The following KIF26B variants were observed in gnomAD, a reference collection of about 807,000 sequenced individuals.
KIF26B encodes kinesin family member 26B, also known as kinesin-like protein KIF26B.
A neutral mutation model predicts 151.2 loss-of-function variants in KIF26B; 63 were observed. That is an observed-to-expected ratio of 0.42 (90% CI 0.34 to 0.51). The LOEUF is 0.51. KIF26B is among the 20% of genes least tolerant of loss of function. KIF26B has a pLI of 0.07. For synonymous variants in KIF26B, 1,357 were observed against 1,262.1 expected (o/e 1.08, Z -1.59); for missense variants, 2,813 against 2,913.6 (o/e 0.97, Z 0.79).
rs1378836508 is a variant in KIF26B, at chr1:245,241,764, G to T, written c.465+85081G>T. 6.6e-6 allele frequency among the ~76,000 whole-genome samples: 1 copy of T among 152,222 alleles called. No homozygotes were observed. Among genetic ancestry groups the T allele is most frequent in the Non-Finnish European group, 1.5e-5 (1 of 68,038 alleles). ...CTCCTGTGGGCAGTGCTTCACAGCGGCAGCGGGAGCACTGGGTGCAGCCTC... is the reference window on the plus strand; with the variant it reads ...CTCCTGTGGGCAGTGCTTCACAGCGTCAGCGGGAGCACTGGGTGCAGCCTC... On this transcript the variant is annotated intron_variant, in intron 2 of 14. Coordinates refer to ENST00000407071, the MANE Select transcript of KIF26B (RefSeq NM_018012.4). This position sits in a 1 kb window ranked among gnomAD's most constrained non-coding sequence, Gnocchi z 5.0.
Position 245,684,308 on chromosome 1 carries a change from C to G in KIF26B, c.2334C>G (p.Ile778Met). Residue 778 changes from isoleucine to methionine, a missense_variant, in exon 11 of 15, where the codon ATC becomes ATG. By Grantham distance (10) the Ile-to-Met change is conservative. Around this residue, in one of 3 missense-constraint regions of KIF26B, gnomAD observed 2,060 missense variants for 2,088.6 expected, o/e 0.99. Transcript: ENST00000407071. ...MNCRTTMIAHISAAVGSYAET... is the reference protein window; with the variant it reads ...MNCRTTMIAHMSAAVGSYAET... ...GCCGTACCACCATGATCGCGCACAT[C>G]TCGGCCGCGGTCGGGAGCTACGCGG... The G allele has an allele frequency of 6.2e-7, 1 of 1,614,002 alleles. No homozygotes were observed. Among genetic ancestry groups the G allele is most frequent in the Non-Finnish European group, 8.5e-7 (1 of 1,179,884 alleles).
At chr1:245,311,596 T>C (rs1295193047) in intron 2 of KIF26B, among the ~76,000 whole-genome samples, 1 of 151,690 alleles carries the variant, frequency 6.6e-6, no homozygotes, top group Non-Finnish European at 1.5e-5. Context: ...AGTGAGACCC[T>C]GTCTCTAAAA....
intron 3 of KIF26B, among the ~76,000 whole-genome samples, chr1:245,374,080 A>G (rs1673196914): frequency 3.1e-5 from 1 of 32,732 alleles, no homozygotes. Flanking sequence ...AAAAAAAAAA[A>G]AAAAAAAAAA....
At chr1:245,233,397 T>C (rs1670038063) in intron 2 of KIF26B, among the ~76,000 whole-genome samples, 1 of 152,196 alleles carries the variant, frequency 6.6e-6, no homozygotes, top group Non-Finnish European at 1.5e-5. Flanking sequence ...ATTTTCTCTG[T>C]CCTCATCCTT....
chr1:245,636,285 C>T (rs962177969), intron 9 of KIF26B, among the ~76,000 whole-genome samples: 4 of 151,894 alleles, frequency 2.6e-5, no homozygotes, highest in Non-Finnish European at 5.9e-5. Context: ...TGGATTAGAA[C>T]ATGAGCCACA....
At chr1:245,373,370 A>G (rs1673170694) in intron 3 of KIF26B, among the ~76,000 whole-genome samples, 1 of 152,198 alleles carries the variant, frequency 6.6e-6, no homozygotes, top group Admixed American at 6.5e-5. Flanking sequence ...TCTTAATCAT[A>G]CTTAATAAAT....
intron 2 of KIF26B, among the ~76,000 whole-genome samples, chr1:245,232,551 G>GTTT (rs58620865): frequency 3.8e-5 from 5 of 131,788 alleles, no homozygotes; most frequent in African/African-American, 2.8e-5. Flanking sequence ...GGTTTCATTT[G>GTTT]TTTTTTTTTT....
intron 4 of KIF26B, among the ~76,000 whole-genome samples, chr1:245,478,548 C>G (rs1660093102): frequency 6.6e-6 from 1 of 151,022 alleles, no homozygotes; most frequent in African/African-American, 2.4e-5. Flanking sequence ...CTGCCTCAGC[C>G]TCCCGAGTAG....
chr1:245,424,218 C>T (rs138263974), intron 4 of KIF26B, among the ~76,000 whole-genome samples: 17 of 152,052 alleles, frequency 1.1e-4, no homozygotes, highest in Middle Eastern at 3.5e-3. Flanking sequence ...TGCAGTGGCG[C>T]GATCTCCGCT....
intron 12 of KIF26B, among the ~76,000 whole-genome samples, chr1:245,694,164 C>G (rs2044659404): frequency 6.6e-6 from 1 of 152,220 alleles, no homozygotes; most frequent in Admixed American, 6.5e-5. Flanking sequence ...TTTCTCATCC[C>G]CAGCACGGGA....
intron 9 of KIF26B, among the ~76,000 whole-genome samples, chr1:245,635,403 T>G (rs2043824329): frequency 6.6e-6 from 1 of 152,140 alleles, no homozygotes; most frequent in Non-Finnish European, 1.5e-5. Context: ...TCTTACACAT[T>G]GTTTAATTTA....
intron 9 of KIF26B, among the ~76,000 whole-genome samples, chr1:245,643,488 C>T (rs1448161403): frequency 2.0e-5 from 3 of 152,158 alleles, no homozygotes; most frequent in Non-Finnish European, 2.9e-5. Context: ...CAATAGTATA[C>T]TTCCATTTCT....
chr1:245,530,848 T>G (rs1313504045), intron 4 of KIF26B, among the ~76,000 whole-genome samples: 1 of 152,182 alleles, frequency 6.6e-6, no homozygotes, highest in Non-Finnish European at 1.5e-5. Context: ...AAAGATGGCT[T>G]TAGTGATATT....
At chr1:245,393,222 T>G (rs1673743822) in intron 3 of KIF26B, among the ~76,000 whole-genome samples, 1 of 152,192 alleles carries the variant, frequency 6.6e-6, no homozygotes, top group Non-Finnish European at 1.5e-5. Context: ...TCAAACTTTG[T>G]AAAAACTTCA....
intron 2 of KIF26B, among the ~76,000 whole-genome samples, chr1:245,240,252 A>G (rs1670190403): frequency 6.6e-6 from 1 of 152,110 alleles, no homozygotes; most frequent in African/African-American, 2.4e-5. Flanking sequence ...TCCTGAGTCC[A>G]CTTTCGCCGC....
intron 5 of KIF26B, among the ~76,000 whole-genome samples, chr1:245,574,996 C>G (rs1192064686): frequency 6.6e-6 from 1 of 150,906 alleles, no homozygotes; most frequent in African/African-American, 2.4e-5. Context: ...TCCCGAGTAG[C>G]TGGGACTACA....
chr1:245,184,050 G>GTTGTTGTTTTT (rs1553332271), intron 2 of KIF26B, among the ~76,000 whole-genome samples: 1 of 19,804 alleles, frequency 5.0e-5, no homozygotes, highest in African/African-American at 1.5e-4. Context: ...GGGAGTTGTT[G>GTTGTTGTTTTT]TTTTTTTTTT....
At chr1:245,207,821 A>G (rs150806397) in intron 2 of KIF26B, among the ~76,000 whole-genome samples, 3 of 152,122 alleles carry the variant, frequency 2.0e-5, no homozygotes, top group African/African-American at 7.2e-5. Flanking sequence ...TGGTAAAGAG[A>G]TGTGTCCATT....
intron 9 of KIF26B, among the ~76,000 whole-genome samples, chr1:245,622,011 CTG>C (rs546765715): frequency 8.3e-4 from 127 of 152,334 alleles, no homozygotes; most frequent in Non-Finnish European, 1.4e-3. Flanking sequence ...ATCAAATGGA[CTG>C]TTAGAGTCAG....
Sources: allele counts gnomAD v4.1 joint callset (sites outside exome capture counted in the v4.1 genomes callset), GRCh38; gene constraint gnomAD v4.1.1; regional missense constraint gnomAD v4.1.1; non-coding constraint Gnocchi (gnomAD v3.1); transcripts MANE v1.5; gene names NCBI Gene and HGNC (gene_info 2026-07-23, HGNC 2026-07-21).